The following GABRB3 variants were observed in gnomAD, a reference collection of about 807,000 sequenced individuals.
GABRB3 encodes the protein gamma-aminobutyric acid receptor subunit beta-3.
Under a neutral mutation model 52.1 loss-of-function variants are expected in GABRB3, and 14 were observed. The ratio of observed to expected loss-of-function variants is 0.27; its 90% CI spans 0.18 to 0.42. The LOEUF is 0.42. Ranked by LOEUF, GABRB3 falls within the 10% of genes least tolerant of loss-of-function variation. The probability of loss-of-function intolerance (pLI) is 1.00; values close to 1 mark genes in which losing one functional copy is unlikely to be tolerated. For synonymous variants in GABRB3, 260 were observed against 232.3 expected, an observed-to-expected ratio of 1.12 and a Z score of -1.08; for missense variants, 307 against 609.1, an observed-to-expected ratio of 0.50 and a Z score of 5.22.
chr15:26,570,548 T>C (rs575020442), intron 6 of GABRB3, among the ~76,000 whole-genome samples: 202 of 152,304 alleles, frequency 1.3e-3, no homozygotes, highest in Non-Finnish European at 2.2e-3. Context: ...ATCCAGGAAT[T>C]TCAGTTTCTC....
chr15:26,551,749 G>T (rs1343254174), intron 8 of GABRB3, among the ~76,000 whole-genome samples: 1 of 152,176 alleles, frequency 6.6e-6, no homozygotes, highest in Non-Finnish European at 1.5e-5. Flanking sequence ...TGGTTTAGAA[G>T]TTGTCAGATA....
chr15:26,652,142 T>C (rs1433596006), intron 3 of GABRB3, among the ~76,000 whole-genome samples: 1 of 152,178 alleles, frequency 6.6e-6, no homozygotes, highest in Non-Finnish European at 1.5e-5. Context: ...TCCATGGACT[T>C]CAAGTCTTTA....
chr15:26,697,536 T>A (rs1299171110), intron 3 of GABRB3, among the ~76,000 whole-genome samples: 2 of 152,010 alleles, frequency 1.3e-5, no homozygotes, highest in African/African-American at 2.4e-5. Flanking sequence ...CCTTCTCAAG[T>A]CCTCCAGTGA....
Position 26,586,093 on chromosome 15 carries a change from G to C in GABRB3, c.462-2679C>G, listed in dbSNP as rs556881651. ...GGCTCACTGCAAGCTCCATCTCCCA[G>C]GTTCACACCATTCTCCTGCCTCAGC... On this transcript the variant is annotated intron_variant, in intron 4 of 8. Coordinates refer to ENST00000311550, the MANE Select transcript of GABRB3 (RefSeq NM_000814.6). Among the ~76,000 whole-genome samples the C allele has an allele frequency of 1.3e-3, 199 of 152,128 alleles. 1 individual carries two copies. The highest frequency in any genetic ancestry group is 4.4e-3 in the African/African-American group (182 of 41,486).
At chr15:26,646,844 T>TTTTG (rs1157097018) in intron 3 of GABRB3, among the ~76,000 whole-genome samples, 1 of 152,146 alleles carries the variant, frequency 6.6e-6, no homozygotes, top group South Asian at 2.1e-4. Flanking sequence ...ATAACTTCTT[T>TTTTG]TTTGTTTGTT....
chr15:26,720,046 C>T (rs1304578255), intron 3 of GABRB3, among the ~76,000 whole-genome samples: 15 of 152,122 alleles, frequency 9.9e-5, no homozygotes, highest in Admixed American at 4.6e-4. Flanking sequence ...TGAAAATGGC[C>T]GGTCGTTGCC....
At position 26,588,996 on chromosome 15, in the gene GABRB3, T is replaced by C. The variant is rs188789802; in HGVS notation, c.462-5582A>G. ...GTAAGTGTAAAATCATATTTTGAGATTCTGGTGACGCACTGTCTTTGGACG... is the reference window on the plus strand; with the variant it reads ...GTAAGTGTAAAATCATATTTTGAGACTCTGGTGACGCACTGTCTTTGGACG... On this transcript the variant is annotated intron_variant, in intron 4 of 8. Coordinates refer to ENST00000311550, the MANE Select transcript of GABRB3 (RefSeq NM_000814.6). Among the ~76,000 whole-genome samples the C allele has an allele frequency of 1.4e-3, 208 of 152,316 alleles. 1 individual carries two copies. The highest frequency in any genetic ancestry group is 4.2e-3 in the Admixed American group (65 of 15,306).
rs574569721 is a variant in GABRB3, at chr15:26,626,840, T to G, written c.241-5306A>C. 7.2e-5 allele frequency among the ~76,000 whole-genome samples: 11 copies of G among 152,346 alleles called. No individual in the cohort carries two copies. In the East Asian group the frequency reaches 2.1e-3, roughly 29 times the overall value. On this transcript the variant is annotated intron_variant, in intron 3 of 8. Coordinates refer to ENST00000311550, the MANE Select transcript of GABRB3 (RefSeq NM_000814.6). Reference sequence around the variant, plus strand: ...GTGCTGATGGAGAAGCTGCAGCAAGTTATCCAGAAGATCCCGCTAAAATCA... The same window carrying G: ...GTGCTGATGGAGAAGCTGCAGCAAGGTATCCAGAAGATCCCGCTAAAATCA...
At chr15:26,745,917 T>C (rs1227176875) in intron 3 of GABRB3, among the ~76,000 whole-genome samples, 2 of 152,194 alleles carry the variant, frequency 1.3e-5, no homozygotes, top group African/African-American at 2.4e-5. Context: ...CATTCGTTTA[T>C]AGGTTTTTGT....
At chr15:26,699,070 A>C (rs1888841073) in intron 3 of GABRB3, among the ~76,000 whole-genome samples, 1 of 152,172 alleles carries the variant, frequency 6.6e-6, no homozygotes, top group Non-Finnish European at 1.5e-5. Context: ...ACAGTGAAAA[A>C]AAGGAAAAAC....
At chr15:26,732,060 C>T (rs192010238) in intron 3 of GABRB3, among the ~76,000 whole-genome samples, 25 of 148,916 alleles carry the variant, frequency 1.7e-4, no homozygotes, top group South Asian at 6.5e-4. Flanking sequence ...GACAGGTGGA[C>T]GGATGAGTGG....
chr15:26,649,472 T>G (rs534101498), intron 3 of GABRB3, among the ~76,000 whole-genome samples: 1 of 152,218 alleles, frequency 6.6e-6, no homozygotes, highest in Non-Finnish European at 1.5e-5. Flanking sequence ...TACATTTCTA[T>G]TGTTAATAAA....
intron 3 of GABRB3, among the ~76,000 whole-genome samples, chr15:26,768,645 G>A (rs893529403): frequency 6.6e-6 from 1 of 151,968 alleles, no homozygotes; most frequent in Non-Finnish European, 1.5e-5. Context: ...TTGGACATAC[G>A]CAATCTCACT....
intron 3 of GABRB3, among the ~76,000 whole-genome samples, chr15:26,733,756 G>A (rs578063760): frequency 2.0e-5 from 3 of 152,236 alleles, no homozygotes; most frequent in African/African-American, 7.2e-5. Context: ...AAACAATATG[G>A]CATTGATGTA....
chr15:26,731,623 G>A (rs548297553), intron 3 of GABRB3, among the ~76,000 whole-genome samples: 1 of 152,040 alleles, frequency 6.6e-6, no homozygotes, highest in Admixed American at 6.6e-5. Flanking sequence ...TAAGATAATG[G>A]CCTTCCCTCC....
At chr15:26,773,516 C>T (rs1891220587), upstream of GABRB3, 24 of 571,956 alleles carry the variant, frequency 4.2e-5, no homozygotes, top group Non-Finnish European at 6.4e-5. Flanking sequence ...CCGAAGTTGG[C>T]CCCGCACGAC....
intron 3 of GABRB3, among the ~76,000 whole-genome samples, chr15:26,737,204 T>C (rs973810868): frequency 6.6e-6 from 1 of 152,154 alleles, no homozygotes; most frequent in African/African-American, 2.4e-5. Flanking sequence ...TGGTGCATGC[T>C]TCAAAAGGCT....
intron 7 of GABRB3, among the ~76,000 whole-genome samples, chr15:26,564,901 T>G (rs1890110375): frequency 6.6e-6 from 1 of 152,238 alleles, no homozygotes; most frequent in Admixed American, 6.5e-5. Flanking sequence ...CTTTAGGAAT[T>G]ATATGCAGTA....
chr15:26,587,462 A>G (rs1426214), intron 4 of GABRB3, among the ~76,000 whole-genome samples: 150,946 of 152,314 alleles, frequency 0.99, 74,801 homozygotes, highest in East Asian at 1. Context: ...CAGAGCGAAT[A>G]AAGTAGGCTG....
Sources: gnomAD v4.1 joint callset for allele counts (sites outside exome capture counted in the v4.1 genomes callset) on GRCh38, gnomAD v4.1.1 for gene constraint, MANE v1.5 for transcripts, NCBI Gene and HGNC (gene_info 2026-07-23, HGNC 2026-07-21) for gene names.